GRID2: variants seen among roughly 807,000 people sequenced by gnomAD.
GRID2 encodes the protein glutamate ionotropic receptor delta type subunit 2.
GRID2 carries 33 observed loss-of-function variants against 114.8 expected under a neutral mutation model. The observed-to-expected ratio is 0.29, with a 90% CI of 0.22 to 0.38. The LOEUF (loss-of-function observed/expected upper bound fraction) is 0.38, where lower values mean the gene tolerates loss of function less well. GRID2 is among the 10% of genes least tolerant of loss of function. The pLI, the probability that GRID2 is intolerant of heterozygous loss-of-function variation, is 1.00. For missense variants in GRID2, 1,184 were observed against 1,257.7 expected, an observed-to-expected ratio of 0.94 and a Z score of 0.89; for synonymous variants, 505 against 449.9, an observed-to-expected ratio of 1.12 and a Z score of -1.55.
chr4:92,403,587 G>A (rs745322548), intron 1 of GRID2, among the ~76,000 whole-genome samples: 20 of 151,894 alleles, frequency 1.3e-4, no homozygotes, highest in Non-Finnish European at 2.6e-4. Flanking sequence ...AGCTACTCAG[G>A]AGGCTGAGAC....
chr4:92,368,277 A>C (rs569997422), intron 1 of GRID2, among the ~76,000 whole-genome samples: 1 of 152,242 alleles, frequency 6.6e-6, no homozygotes, highest in Non-Finnish European at 1.5e-5. Context: ...TCTAAGGCTC[A>C]GGACCTAGAG....
At chr4:93,756,978 A>G (rs1732801766) in intron 14 of GRID2, among the ~76,000 whole-genome samples, 1 of 152,202 alleles carries the variant, frequency 6.6e-6, no homozygotes, top group Non-Finnish European at 1.5e-5. Context: ...GTGAAAACAG[A>G]GACGTCTCAA....
At chr4:92,718,807 G>GATAGTGGA (rs1464074197) in intron 2 of GRID2, among the ~76,000 whole-genome samples, 1 of 140,124 alleles carries the variant, frequency 7.1e-6, no homozygotes, top group Non-Finnish European at 1.5e-5. Flanking sequence ...TAAGTGATAA[G>GATAGTGGA]ATAGTGGAAA....
At chr4:92,572,601 T>C (rs1300810276) in intron 1 of GRID2, among the ~76,000 whole-genome samples, 3 of 151,918 alleles carry the variant, frequency 2.0e-5, no homozygotes, top group African/African-American at 7.2e-5. Context: ...ATTTTAGACA[T>C]TTATTGATTT....
chr4:92,459,676 G>A (rs530527531), intron 1 of GRID2, among the ~76,000 whole-genome samples: 4 of 151,998 alleles, frequency 2.6e-5, no homozygotes, highest in African/African-American at 4.8e-5. Context: ...ATTGAAATAT[G>A]TATTTACTTG....
intron 14 of GRID2, among the ~76,000 whole-genome samples, chr4:93,652,253 C>A (rs996107271): frequency 6.6e-6 from 1 of 151,990 alleles, no homozygotes; most frequent in Non-Finnish European, 1.5e-5. Context: ...AAGGAGAAGA[C>A]AGCCATCTAT....
Position 92,533,409 on chromosome 4 carries a change from G to A in GRID2, c.89-56722G>A, listed in dbSNP as rs529762301. On this transcript the variant is annotated intron_variant, in intron 1 of 15. Transcript: ENST00000282020. ...ACAGAAATCATTTTTCCTTAAAAGA[G>A]ATATTGTGAAAAATCTTAATGCTCA... 2.0e-5 allele frequency among the ~76,000 whole-genome samples: 3 copies of A among 151,912 alleles called. No individual in the cohort carries two copies. In the East Asian group the frequency reaches 5.8e-4, roughly 30 times the overall value.
At chr4:93,511,821 G>C (rs1444373636) in intron 12 of GRID2, among the ~76,000 whole-genome samples, 6 of 126,914 alleles carry the variant, frequency 4.7e-5, no homozygotes, top group Non-Finnish European at 1.6e-5. Flanking sequence ...TTTTGCTCTT[G>C]TCGCCCAGGC....
intron 1 of GRID2, among the ~76,000 whole-genome samples, chr4:93,794,480 A>G (rs771716917): frequency 5.3e-5 from 8 of 152,198 alleles, no homozygotes; most frequent in Non-Finnish European, 1.0e-4. Context: ...GTGGAGAGGC[A>G]GAGACCCAGG....
intron 2 of GRID2, among the ~76,000 whole-genome samples, chr4:92,655,106 T>G (rs1248295871): frequency 6.6e-6 from 1 of 152,046 alleles, no homozygotes; most frequent in East Asian, 1.9e-4. Context: ...TTCTTCTGCA[T>G]GTGGTTATGC....
chr4:92,894,974 G>T (rs1358336884), intron 2 of GRID2, among the ~76,000 whole-genome samples: 2 of 152,034 alleles, frequency 1.3e-5, no homozygotes, highest in Non-Finnish European at 1.5e-5. Context: ...TTTATGGCCA[G>T]TGTCCATTCT....
At chr4:93,753,985 G>A (rs1354104891) in intron 14 of GRID2, among the ~76,000 whole-genome samples, 1 of 152,178 alleles carries the variant, frequency 6.6e-6, no homozygotes, top group East Asian at 1.9e-4. Flanking sequence ...ACATCGCAGA[G>A]TGTACTTACA....
intron 1 of GRID2, among the ~76,000 whole-genome samples, chr4:92,554,792 G>A (rs1005109731): frequency 1.3e-5 from 2 of 152,104 alleles, no homozygotes; most frequent in Non-Finnish European, 2.9e-5. Context: ...CCAATCAGGA[G>A]TATTGGTATT....
chr4:93,119,735 A>G (rs1050132052), intron 4 of GRID2, among the ~76,000 whole-genome samples: 2 of 152,204 alleles, frequency 1.3e-5, no homozygotes, highest in African/African-American at 2.4e-5. Flanking sequence ...GCAAAGTTAC[A>G]TATTTCAAAT....
chr4:92,561,120 A>G (rs985445189), intron 1 of GRID2, among the ~76,000 whole-genome samples: 8 of 152,236 alleles, frequency 5.3e-5, no homozygotes, highest in African/African-American at 1.9e-4. Flanking sequence ...GTCTTTCCCA[A>G]AATATCTTTC....
At chr4:93,431,991 ATAC>A (rs2149381105) in intron 10 of GRID2, among the ~76,000 whole-genome samples, 1 of 152,316 alleles carries the variant, frequency 6.6e-6, no homozygotes, top group South Asian at 2.1e-4. Flanking sequence ...ATTGACAAAG[ATAC>A]TTTCTTATTC....
chr4:92,652,555 GC>G (rs1731994978), intron 2 of GRID2, among the ~76,000 whole-genome samples: 1 of 151,412 alleles, frequency 6.6e-6, no homozygotes, highest in African/African-American at 2.4e-5. Context: ...GGTGACACAT[GC>G]CTGTAGTCTC....
At position 93,068,315 on chromosome 4, in the gene GRID2, A is replaced by G. The variant is rs184539990; in HGVS notation, c.245-16680A>G. On this transcript the variant is annotated intron_variant, in intron 2 of 15. Coordinates refer to ENST00000282020, the MANE Select transcript of GRID2 (RefSeq NM_001510.4). The stretch of plus-strand genomic sequence containing the variant: ...AAGCAGAGTACAATGGTCACTGTGT[A>G]CAAGTATGTGTAAAGTAAAGAGTGA... Among the ~76,000 whole-genome samples the G allele has an allele frequency of 4.6e-5, 7 of 152,214 alleles. No individual in the cohort carries two copies. In the East Asian group the frequency reaches 9.7e-4, roughly 21 times the overall value.
chr4:93,252,142 G>T (rs182807572), intron 8 of GRID2, among the ~76,000 whole-genome samples: 1 of 152,130 alleles, frequency 6.6e-6, no homozygotes, highest in Admixed American at 6.6e-5. Context: ...CTTTGCCCGT[G>T]CCTATGTTCT....
Sources: gnomAD v4.1 joint callset for allele counts (sites outside exome capture counted in the v4.1 genomes callset) on GRCh38, gnomAD v4.1.1 for gene constraint, MANE v1.5 for transcripts, NCBI Gene and HGNC (gene_info 2026-07-23, HGNC 2026-07-21) for gene names.